The following KLHL4 variants were observed in gnomAD, a reference collection of about 807,000 sequenced individuals.
KLHL4 encodes the protein kelch like family member 4, also known as kelch-like protein 4.
A neutral mutation model predicts 45.8 loss-of-function variants in KLHL4; 17 were observed. That is an observed-to-expected ratio of 0.37 (90% CI 0.25 to 0.56). The LOEUF is 0.56. Ranked by LOEUF, KLHL4 falls within the 20% of genes least tolerant of loss-of-function variation. KLHL4 has a pLI of 0.79. For missense variants in KLHL4, 544 were observed against 544.9 expected (o/e 1.00, Z 0.02); for synonymous variants, 224 against 189.9 (o/e 1.18, Z -1.47).
chrX:87,532,952 A>G (rs1405464478), intron 1 of KLHL4, among the ~76,000 whole-genome samples: 2 of 109,153 alleles, frequency 1.8e-5, no homozygotes, highest in Non-Finnish European at 3.8e-5. Flanking sequence ...CACATGAAAA[A>G]ATGCTCACCA....
chrX:87,579,951 G>A (rs1387404642), intron 1 of KLHL4, among the ~76,000 whole-genome samples: 3 of 111,882 alleles, frequency 2.7e-5, no homozygotes, highest in African/African-American at 9.7e-5. Flanking sequence ...CAACGATAAT[G>A]GGTAAATCAC....
chrX:87,570,145 A>G (rs1219695503), intron 1 of KLHL4, among the ~76,000 whole-genome samples: 1 of 111,300 alleles, frequency 9.0e-6, no homozygotes, highest in Non-Finnish European at 1.9e-5. Context: ...GAAAATTAGT[A>G]CAAAAACAGA....
At chrX:87,638,510 A>G (rs1218178761) in intron 9 of KLHL4, among the ~76,000 whole-genome samples, 2 of 112,314 alleles carry the variant, frequency 1.8e-5, no homozygotes, top group African/African-American at 6.5e-5. Flanking sequence ...TAGAAACTCT[A>G]CAAGCTAGAG....
chrX:87,661,924 T>G (rs1924202186), intron 9 of KLHL4, among the ~76,000 whole-genome samples: 1 of 111,556 alleles, frequency 9.0e-6, no homozygotes, highest in Admixed American at 9.6e-5. Flanking sequence ...AGTTTCGTCA[T>G]GTGTAAAGTG....
intron 1 of KLHL4, among the ~76,000 whole-genome samples, chrX:87,569,832 A>G (rs1330451440): frequency 2.7e-5 from 3 of 111,597 alleles, no homozygotes; most frequent in Non-Finnish European, 5.7e-5. Flanking sequence ...GAGATGAAGG[A>G]GGAGTAACTG....
At chrX:87,560,079 G>T (rs1254455241) in intron 1 of KLHL4, among the ~76,000 whole-genome samples, 1 of 111,464 alleles carries the variant, frequency 9.0e-6, no homozygotes, top group Non-Finnish European at 1.9e-5. Context: ...TGTATATATA[G>T]GAGAAGTATT....
intron 1 of KLHL4, among the ~76,000 whole-genome samples, chrX:87,580,369 T>C (rs1921235737): frequency 9.3e-6 from 1 of 107,788 alleles, no homozygotes; most frequent in African/African-American, 3.4e-5. Context: ...AGTCTTTACC[T>C]ACCAAAAATA....
chrX:87,612,990 A>C (rs748325466), intron 1 of KLHL4, among the ~76,000 whole-genome samples: 140 of 111,586 alleles, frequency 1.3e-3, no homozygotes, highest in Non-Finnish European at 1.9e-3. Flanking sequence ...CCTTCTTATC[A>C]GTACAATATT....
intron 1 of KLHL4, among the ~76,000 whole-genome samples, chrX:87,603,065 A>G (rs1307009677): frequency 8.9e-6 from 1 of 111,795 alleles, no homozygotes; most frequent in Non-Finnish European, 1.9e-5. Flanking sequence ...GAGGAGCAAC[A>G]GAGCAGGGAA....
At chrX:87,604,122 T>A (rs1484105449) in intron 1 of KLHL4, among the ~76,000 whole-genome samples, 3 of 111,366 alleles carry the variant, frequency 2.7e-5, no homozygotes, top group South Asian at 3.7e-4. Flanking sequence ...CTACATTTTT[T>A]ATTTATTCAT....
Position 87,618,011 on chromosome X carries a change from T to A in KLHL4, c.807T>A (p.Asp269Glu). 2 of 1,211,005 alleles carry A rather than the reference T, an allele frequency of 1.7e-6. No homozygotes were observed. Among genetic ancestry groups the A allele is most frequent in the Non-Finnish European group, 1.1e-6 (1 of 894,836 alleles). The change falls in exon 4 of 11, where the codon GAT becomes GAA. Residue 269 changes from aspartate (D) to glutamate (E), a missense_variant. Asp to Glu is a conservative substitution (Grantham distance 45, BLOSUM62 2). Transcript: ENST00000373119. ...ACLLQLTQVI[D>E]VCSNFLIKQL... ...TTCTGCAGCTGACTCAGGTCATTGA[T>A]GTTTGCTCCAATTTTCTCATAAAGC...
Position 87,668,321 on chromosome X carries a change from C to A in KLHL4, c.*1787C>A. On this transcript the variant is annotated 3_prime_UTR_variant, in exon 11 of 11. Coordinates refer to ENST00000373119, the MANE Select transcript of KLHL4 (RefSeq NM_019117.5). ...GCCTAGCTTGCCAATCTTCCAGTAA[C>A]AACGAGGTGCTACCAATAGGCAGAC... 1 of 753,885 alleles carries A rather than the reference C, an allele frequency of 1.3e-6. No individual in the cohort carries two copies. The highest frequency in any genetic ancestry group is 1.6e-6 in the Non-Finnish European group (1 of 638,863). 62.1% of individuals were successfully genotyped at this position (753,885 alleles called of 1,213,427 possible).
intron 6 of KLHL4, among the ~76,000 whole-genome samples, chrX:87,626,785 C>G (rs906283947): frequency 9.0e-6 from 1 of 111,451 alleles, no homozygotes. Context: ...TTTCCTTTCA[C>G]ATGTTAATCA....
chrX:87,657,983 G>A (rs1031858112), intron 9 of KLHL4, among the ~76,000 whole-genome samples: 1 of 112,089 alleles, frequency 8.9e-6, no homozygotes, highest in African/African-American at 3.2e-5. Context: ...ATGAGGAGTG[G>A]CTTGGACTCC....
chrX:87,531,932 C>T (rs1248980189), intron 1 of KLHL4, among the ~76,000 whole-genome samples: 1 of 101,763 alleles, frequency 9.8e-6, no homozygotes, highest in Non-Finnish European at 2.0e-5. Flanking sequence ...GATTCAATGC[C>T]ATCCCCATCA....
At position 87,652,024 on chromosome X, in the gene KLHL4, A is replaced by G. The variant is rs372421475; in HGVS notation, c.1926-12740A>G. ...TCTAGACAGAGGTTCCCAAACCCCA[A>G]TTATTGACTTATGTGCACTTGCAGG... On this transcript the variant is annotated intron_variant, in intron 9 of 10. Transcript: ENST00000373119. Among the ~76,000 whole-genome samples, 5 of 112,501 alleles carry G rather than the reference A, an allele frequency of 4.4e-5. No individual in the cohort carries two copies. In the East Asian group the frequency reaches 1.4e-3, roughly 32 times the overall value.
chrX:87,557,984 G>A (rs1474481993), intron 1 of KLHL4, among the ~76,000 whole-genome samples: 3 of 111,119 alleles, frequency 2.7e-5, no homozygotes, highest in Non-Finnish European at 5.7e-5. Context: ...GCCTCTAAAA[G>A]CCTAGGAAAT....
At chrX:87,530,077 G>C (rs1031684455) in intron 1 of KLHL4, among the ~76,000 whole-genome samples, 7 of 110,984 alleles carry the variant, frequency 6.3e-5, no homozygotes, top group African/African-American at 2.0e-4. Context: ...TAGGTTGCCT[G>C]TTCACTCTGA....
At chrX:87,590,976 T>C (rs1474593226) in intron 1 of KLHL4, among the ~76,000 whole-genome samples, 2 of 112,093 alleles carry the variant, frequency 1.8e-5, no homozygotes, top group African/African-American at 6.5e-5. Context: ...CTCTTCAACA[T>C]AGTAACTTCT....
Sources: gnomAD v4.1 joint callset for allele counts (sites outside exome capture counted in the v4.1 genomes callset) on GRCh38, gnomAD v4.1.1 for gene constraint, MANE v1.5 for transcripts, NCBI Gene and HGNC (gene_info 2026-07-23, HGNC 2026-07-21) for gene names.